Variants in MACROD2 observed in about 807,000 individuals in gnomAD.
MACROD2 encodes ADP-ribose glycohydrolase MACROD2.
MACROD2 carries 36 observed loss-of-function variants against 70.4 expected under a neutral mutation model. The observed-to-expected ratio is 0.51, with a 90% confidence interval of 0.39 to 0.68. MACROD2 has a LOEUF of 0.68. Ranked by LOEUF, MACROD2 falls within the 30% of genes least tolerant of loss-of-function variation. The pLI, the probability that MACROD2 is intolerant of heterozygous loss-of-function variation, is 0.00. For synonymous variants in MACROD2, 172 were observed against 178.8 expected (o/e 0.96, Z 0.30); for missense variants, 496 against 538.4 (o/e 0.92, Z 0.78).
chr20:15,391,252 A>G (rs1057261282), intron 6 of MACROD2, among the ~76,000 whole-genome samples: 3 of 152,260 alleles, frequency 2.0e-5, no homozygotes, highest in Non-Finnish European at 4.4e-5. Flanking sequence ...TGGCACAAAC[A>G]TCTGCTCGAT....
At chr20:14,520,457 A>G (rs1329920947) in intron 4 of MACROD2, among the ~76,000 whole-genome samples, 3 of 150,108 alleles carry the variant, frequency 2.0e-5, no homozygotes, top group Non-Finnish European at 1.5e-5. Context: ...AGACAAGCTC[A>G]AGATATTTCA....
chr20:15,523,427 G>A (rs761971403), intron 8 of MACROD2, among the ~76,000 whole-genome samples: 2 of 152,140 alleles, frequency 1.3e-5, no homozygotes, highest in Non-Finnish European at 2.9e-5. Context: ...TGTTGGAAGG[G>A]CCTAGTCTGG....
chr20:15,201,517 G>A (rs1272126613), intron 5 of MACROD2, among the ~76,000 whole-genome samples: 1 of 152,114 alleles, frequency 6.6e-6, no homozygotes, highest in Non-Finnish European at 1.5e-5. Context: ...GCCAATACGT[G>A]CAACTGTCAC....
At chr20:15,581,541 A>T (rs1011927294) in intron 8 of MACROD2, among the ~76,000 whole-genome samples, 1 of 152,202 alleles carries the variant, frequency 6.6e-6, no homozygotes, top group African/African-American at 2.4e-5. Context: ...CAGGTAACTG[A>T]AAGGTGTGAA....
At chr20:15,360,150 A>G (rs1008009856) in intron 6 of MACROD2, among the ~76,000 whole-genome samples, 3 of 152,350 alleles carry the variant, frequency 2.0e-5, no homozygotes, top group Admixed American at 1.3e-4. Context: ...GTATAATGAC[A>G]GAGAGATCCA....
intron 6 of MACROD2, among the ~76,000 whole-genome samples, chr20:15,269,063 T>C (rs1432367985): frequency 6.6e-6 from 1 of 152,228 alleles, no homozygotes; most frequent in Non-Finnish European, 1.5e-5. Flanking sequence ...TCATTTCAAA[T>C]CCTGTTGACT....
rs187920638 is a variant in MACROD2 at position 14,034,735 on chromosome 20, C to T, written c.163+32331C>T. On this transcript the variant is annotated intron_variant, in intron 2 of 17. Transcript: ENST00000684519. The stretch of plus-strand genomic sequence containing the variant: ...ATTGAGCACTTACATGGGCTAGGCA[C>T]TGTTCTAAGTGGGTTGCATATTCAT... Among the ~76,000 whole-genome samples, 24 of 152,306 alleles carry T rather than the reference C, an allele frequency of 1.6e-4. No homozygotes were observed. In the East Asian group the frequency reaches 4.6e-3, roughly 29 times the overall value.
chr20:14,879,371 T>G (rs2073586130), intron 5 of MACROD2, among the ~76,000 whole-genome samples: 1 of 152,186 alleles, frequency 6.6e-6, no homozygotes, highest in Non-Finnish European at 1.5e-5. Flanking sequence ...TGACCTATCT[T>G]TTAGAGTGTT....
At chr20:15,469,465 C>T (rs922475384) in intron 7 of MACROD2, among the ~76,000 whole-genome samples, 38 of 152,094 alleles carry the variant, frequency 2.5e-4, no homozygotes, top group African/African-American at 8.2e-4. Flanking sequence ...TGTCAAGCTA[C>T]GGAGGGCCTG....
Position 14,144,274 on chromosome 20 carries a change from C to T in MACROD2, c.271+58546C>T, listed in dbSNP as rs180698040. ...TAGATATTACAAAGAATATATTACA[C>T]ACTTCTAAATCTAAATTTGTCAATC... On this transcript the variant is annotated intron_variant, in intron 3 of 17. Transcript: ENST00000684519. Among the ~76,000 whole-genome samples, 622 of 152,266 alleles carry T rather than the reference C, an allele frequency of 4.1e-3. 6 individuals carry two copies. Among genetic ancestry groups the T allele is most frequent in the African/African-American group, 0.014 (594 of 41,560 alleles).
At chr20:15,383,631 C>G (rs1447039300) in intron 6 of MACROD2, among the ~76,000 whole-genome samples, 1 of 152,176 alleles carries the variant, frequency 6.6e-6, no homozygotes, top group Non-Finnish European at 1.5e-5. Context: ...ATTTCCTTCT[C>G]CCTATCATTT....
At chr20:16,049,254 A>G (rs569046813) in intron 17 of MACROD2, among the ~76,000 whole-genome samples, 2 of 152,126 alleles carry the variant, frequency 1.3e-5, no homozygotes, top group Admixed American at 1.3e-4. Context: ...ATTGAAATGT[A>G]TGCTTAAGAT....
chr20:15,469,003 A>G (rs1035056859), intron 7 of MACROD2, among the ~76,000 whole-genome samples: 1 of 152,224 alleles, frequency 6.6e-6, no homozygotes, highest in Non-Finnish European at 1.5e-5. Context: ...AGTTCCTATC[A>G]TTTTCACTGA....
At chr20:14,980,995 A>C (rs574305225) in intron 5 of MACROD2, among the ~76,000 whole-genome samples, 31 of 151,734 alleles carry the variant, frequency 2.0e-4, no homozygotes, top group Non-Finnish European at 4.1e-4. Flanking sequence ...TCCAGAGTGC[A>C]GCCAGAAGGA....
chr20:14,733,863 T>C (rs2071626502), intron 5 of MACROD2, among the ~76,000 whole-genome samples: 1 of 152,160 alleles, frequency 6.6e-6, no homozygotes, highest in South Asian at 2.1e-4. Flanking sequence ...TAGCATTTTG[T>C]TGGGGCTCTA....
chr20:15,143,733 G>GT (rs1482154223), intron 5 of MACROD2, among the ~76,000 whole-genome samples: 1 of 149,424 alleles, frequency 6.7e-6, no homozygotes. Flanking sequence ...ATTTCCTGTA[G>GT]TTTTTTCTAA....
At chr20:15,397,199 T>C (rs957747838) in intron 6 of MACROD2, among the ~76,000 whole-genome samples, 1 of 152,210 alleles carries the variant, frequency 6.6e-6, no homozygotes, top group African/African-American at 2.4e-5. Context: ...GTAGCCACAA[T>C]TATACAAAAC....
At chr20:14,481,041 C>T (rs941340531) in intron 3 of MACROD2, among the ~76,000 whole-genome samples, 1 of 151,846 alleles carries the variant, frequency 6.6e-6, no homozygotes, top group South Asian at 2.1e-4. Flanking sequence ...TTTGATTGTC[C>T]TAAAGTCAAG....
At chr20:14,737,243 G>C (rs953971324) in intron 5 of MACROD2, among the ~76,000 whole-genome samples, 1 of 152,106 alleles carries the variant, frequency 6.6e-6, no homozygotes, top group Non-Finnish European at 1.5e-5. Flanking sequence ...TGAGAATAAT[G>C]GTTTCCAGCA....
Sources: allele counts gnomAD v4.1 joint callset (sites outside exome capture counted in the v4.1 genomes callset), GRCh38; gene constraint gnomAD v4.1.1; transcripts MANE v1.5; gene names NCBI Gene and HGNC (gene_info 2026-07-23, HGNC 2026-07-21).